Variants in PLCB1 observed in about 807,000 individuals in gnomAD.
PLCB1 encodes the protein 1-phosphatidylinositol 4,5-bisphosphate phosphodiesterase beta-1.
Under a neutral mutation model 161.8 loss-of-function variants are expected in PLCB1, and 46 were observed. That is an observed-to-expected ratio of 0.28 (90% confidence interval 0.22 to 0.36). PLCB1 has a LOEUF of 0.36. PLCB1 is among the 10% of genes least tolerant of loss of function. PLCB1 has a pLI of 1.00. For missense variants in PLCB1, 1,016 were observed against 1,472.5 expected, an observed-to-expected ratio of 0.69 and a Z score of 5.07; for synonymous variants, 517 against 503.7, an observed-to-expected ratio of 1.03 and a Z score of -0.35.
At chr20:8,223,731 G>A (rs868370199) in intron 2 of PLCB1, among the ~76,000 whole-genome samples, 6 of 152,104 alleles carry the variant, frequency 3.9e-5, no homozygotes, top group South Asian at 2.1e-4. Context: ...AAACACATGC[G>A]TGCAGATTAA....
intron 9 of PLCB1, among the ~76,000 whole-genome samples, chr20:8,681,086 G>GTATATGTATATATATATA (rs1555782781): frequency 6.8e-5 from 5 of 73,846 alleles, no homozygotes; most frequent in South Asian, 8.5e-4. Flanking sequence ...ATGTGTGTGT[G>GTATATGTATATATATATA]TATATATATA....
At chr20:8,239,927 C>T (rs1980517086) in intron 2 of PLCB1, among the ~76,000 whole-genome samples, 1 of 152,006 alleles carries the variant, frequency 6.6e-6, no homozygotes, top group Admixed American at 6.6e-5. Context: ...AACTATTTCA[C>T]ATTTATGCTA....
At chr20:8,707,912 T>C (rs1396006859) in intron 11 of PLCB1, among the ~76,000 whole-genome samples, 1 of 152,170 alleles carries the variant, frequency 6.6e-6, no homozygotes, top group Non-Finnish European at 1.5e-5. Context: ...TGAAAGGTGG[T>C]CGGCACAAAC....
At chr20:8,532,877 T>A (rs1984869341) in intron 3 of PLCB1, among the ~76,000 whole-genome samples, 2 of 152,140 alleles carry the variant, frequency 1.3e-5, no homozygotes, top group Non-Finnish European at 2.9e-5. Context: ...TTTATTATTA[T>A]GATACTTTAA....
chr20:8,556,983 AAAAT>A (rs60833598), intron 3 of PLCB1, among the ~76,000 whole-genome samples: 41,638 of 143,122 alleles, frequency 0.29, 6,669 homozygotes, highest in Non-Finnish European at 0.36. Flanking sequence ...ATAAATAAAT[AAAAT>A]AAATAAATAA....
At chr20:8,135,047 C>G (rs2051332127) in intron 1 of PLCB1, among the ~76,000 whole-genome samples, 1 of 152,096 alleles carries the variant, frequency 6.6e-6, no homozygotes, top group South Asian at 2.1e-4. Context: ...CTCTTCTCAG[C>G]TCGTATTTGC....
chr20:8,177,154 A>G (rs2051791964), intron 2 of PLCB1, among the ~76,000 whole-genome samples: 1 of 152,078 alleles, frequency 6.6e-6, no homozygotes, highest in African/African-American at 2.4e-5. Flanking sequence ...CCCCACAGTG[A>G]TAGTATTAAA....
intron 3 of PLCB1, among the ~76,000 whole-genome samples, chr20:8,404,042 T>C (rs1172469717): frequency 6.8e-6 from 1 of 147,940 alleles, no homozygotes; most frequent in East Asian, 2.0e-4. Flanking sequence ...TATTTATGTA[T>C]AGACAGAAAT....
intron 2 of PLCB1, among the ~76,000 whole-genome samples, chr20:8,206,805 T>C (rs1038053426): frequency 6.6e-6 from 1 of 151,992 alleles, no homozygotes; most frequent in African/African-American, 2.4e-5. Context: ...ATTGTCATTA[T>C]AGTATTTTCA....
intron 3 of PLCB1, among the ~76,000 whole-genome samples, chr20:8,534,073 G>C (rs1263724077): frequency 6.6e-6 from 1 of 152,098 alleles, no homozygotes; most frequent in Non-Finnish European, 1.5e-5. Context: ...TCTTTGAGAT[G>C]AATGTGAATG....
intron 31 of PLCB1, among the ~76,000 whole-genome samples, chr20:8,804,548 G>A (rs1282456614): frequency 2.0e-5 from 3 of 151,950 alleles, no homozygotes; most frequent in Non-Finnish European, 4.4e-5. Context: ...TTTGAAAAAA[G>A]AACAAAACGT....
intron 31 of PLCB1, among the ~76,000 whole-genome samples, chr20:8,869,881 G>C (rs1197665146): frequency 6.6e-6 from 1 of 152,168 alleles, no homozygotes; most frequent in South Asian, 2.1e-4. Context: ...TGGGGTATGG[G>C]ACTGGGATGA....
chr20:8,557,892 C>A, intron 3 of PLCB1, among the ~76,000 whole-genome samples: 1 of 151,636 alleles, frequency 6.6e-6, no homozygotes, highest in African/African-American at 2.4e-5. Context: ...TGAGAAGAAA[C>A]AAAAGAGTAT....
At chr20:8,285,615 A>G (rs1983081286) in intron 2 of PLCB1, among the ~76,000 whole-genome samples, 1 of 152,148 alleles carries the variant, frequency 6.6e-6, no homozygotes. Context: ...TGGTCTCTGT[A>G]TCAGGTACAT....
At chr20:8,389,914 A>G (rs1987539673) in intron 3 of PLCB1, among the ~76,000 whole-genome samples, 1 of 152,202 alleles carries the variant, frequency 6.6e-6, no homozygotes, top group Admixed American at 6.5e-5. Context: ...ACCAAGTTTC[A>G]AAACCATTCG....
chr20:8,406,516 G>C (rs1198412088), intron 3 of PLCB1, among the ~76,000 whole-genome samples: 1 of 152,124 alleles, frequency 6.6e-6, no homozygotes, highest in Non-Finnish European at 1.5e-5. Flanking sequence ...AGGAAAGTGA[G>C]GTTCACTATC....
intron 31 of PLCB1, among the ~76,000 whole-genome samples, chr20:8,799,872 A>C (rs191620854): frequency 1.3e-5 from 2 of 152,216 alleles, no homozygotes; most frequent in South Asian, 4.1e-4. Flanking sequence ...ACTACAATGT[A>C]AGTTCTACGT....
At chr20:8,742,992 C>T (rs1404612430) in intron 23 of PLCB1, among the ~76,000 whole-genome samples, 1 of 152,156 alleles carries the variant, frequency 6.6e-6, no homozygotes, top group Non-Finnish European at 1.5e-5. Flanking sequence ...ATCATGTTAT[C>T]TGCAAACAGG....
At chr20:8,556,052 G>T (rs956995719) in intron 3 of PLCB1, among the ~76,000 whole-genome samples, 1 of 151,810 alleles carries the variant, frequency 6.6e-6, no homozygotes, top group South Asian at 2.1e-4. Context: ...GCCCATCTTT[G>T]CTTGACCAAA....
Sources: gnomAD v4.1 joint callset for allele counts (sites outside exome capture counted in the v4.1 genomes callset) on GRCh38, gnomAD v4.1.1 for gene constraint, MANE v1.5 for transcripts, NCBI Gene and HGNC (gene_info 2026-07-23, HGNC 2026-07-21) for gene names.